PLCH1: variants seen among roughly 807,000 people sequenced by gnomAD.
The protein encoded by PLCH1 is 1-phosphatidylinositol 4,5-bisphosphate phosphodiesterase eta-1.
In PLCH1, 60 loss-of-function variants were observed where a neutral mutation model predicts 126.7. The observed-to-expected ratio is 0.47, with a 90% confidence interval of 0.38 to 0.59. The LOEUF is 0.59. PLCH1 is among the 20% of genes least tolerant of loss of function. The pLI, the probability that PLCH1 is intolerant of heterozygous loss-of-function variation, is 0.00. For synonymous variants in PLCH1, 719 were observed against 734.9 expected (o/e 0.98, Z 0.35); for missense variants, 1,723 against 2,040.0 (o/e 0.84, Z 2.99).
intron 10 of PLCH1, 91 bp from the exon 11 acceptor site, chr3:155,524,095 A>C: frequency 2.5e-6 from 2 of 792,048 alleles, no homozygotes; most frequent in Non-Finnish European, 4.4e-6. Flanking sequence ...TTGATGGATG[A>C]GAGGATAAAC....
At chr3:155,582,244 A>T (rs531139) in intron 6 of PLCH1, among the ~76,000 whole-genome samples, 74,191 of 150,902 alleles carry the variant, frequency 0.49, 21,193 homozygotes, top group Non-Finnish European at 0.65. Flanking sequence ...CACCACAGCC[A>T]GCTAATTTTT....
intron 8 of PLCH1, among the ~76,000 whole-genome samples, chr3:155,556,006 T>C (rs1012310481): frequency 1.3e-5 from 2 of 152,220 alleles, no homozygotes; most frequent in Admixed American, 1.3e-4. Flanking sequence ...CTAAAATGTC[T>C]AGATTTTATT....
chr3:155,676,188 C>T, intron 2 of PLCH1: 1 of 1,312,026 alleles, frequency 7.6e-7, no homozygotes, highest in Non-Finnish European at 9.8e-7. Flanking sequence ...CTCATGCTGC[C>T]CTTTATGGCA....
intron 1 of PLCH1, among the ~76,000 whole-genome samples, chr3:155,743,881 G>A (rs373923136): frequency 5.9e-5 from 9 of 152,142 alleles, no homozygotes; most frequent in African/African-American, 2.2e-4. Context: ...TTACCAGGAA[G>A]TAAATGTTTT....
chr3:155,459,985 C>T (rs1480174815), intron 21 of PLCH1, among the ~76,000 whole-genome samples: 1 of 152,150 alleles, frequency 6.6e-6, no homozygotes, highest in Non-Finnish European at 1.5e-5. Context: ...ATCTCAGCTA[C>T]TGATGCAGAA....
At chr3:155,649,509 A>G (rs1415265763) in intron 2 of PLCH1, among the ~76,000 whole-genome samples, 1 of 152,086 alleles carries the variant, frequency 6.6e-6, no homozygotes, top group Non-Finnish European at 1.5e-5. Context: ...CAGCCCTGCC[A>G]TTGCAAGGGA....
chr3:155,677,860 TAAATAATCC>T (rs1744212612), intron 2 of PLCH1, among the ~76,000 whole-genome samples: 2 of 152,232 alleles, frequency 1.3e-5, no homozygotes, highest in Non-Finnish European at 2.9e-5. Context: ...CCATTCCTGC[TAAATAATCC>T]AAGTATTTAA....
intron 1 of PLCH1, chr3:155,742,833 G>C (rs11713026): frequency 0.026 from 4,005 of 154,706 alleles, 85 homozygotes; most frequent in Non-Finnish European, 0.04. Flanking sequence ...TGGTATGTTT[G>C]ATTTCATTTG....
chr3:155,640,488 C>T (rs1262239288), intron 2 of PLCH1, among the ~76,000 whole-genome samples: 1 of 152,244 alleles, frequency 6.6e-6, no homozygotes, highest in Non-Finnish European at 1.5e-5. Context: ...TTACAATCAG[C>T]ACCCTGGCTG....
chr3:155,654,396 C>CT (rs1358063723), intron 2 of PLCH1, among the ~76,000 whole-genome samples: 5 of 152,164 alleles, frequency 3.3e-5, no homozygotes, highest in Middle Eastern at 6.8e-3. Flanking sequence ...AAAGCTACAA[C>CT]CTCTCTCCTG....
At chr3:155,566,530 C>T (rs1473487987) in intron 7 of PLCH1, among the ~76,000 whole-genome samples, 1 of 151,550 alleles carries the variant, frequency 6.6e-6, no homozygotes, top group African/African-American at 2.4e-5. Flanking sequence ...GAACAACCAG[C>T]AATTGATAGG....
chr3:155,587,601 C>T (rs1009895878), intron 4 of PLCH1, among the ~76,000 whole-genome samples: 3 of 152,188 alleles, frequency 2.0e-5, no homozygotes, highest in African/African-American at 7.2e-5. Context: ...ATGTGAAGTA[C>T]AAACATAATG....
In PLCH1 at chr3:155,490,863, A is replaced by G; in HGVS notation, c.2313T>C (p.Ile771=). ...DSMFGDRGEI[I]DPFVEVEIIG... is the part of the protein sequence containing the mutation. The stretch of plus-strand genomic sequence containing the variant: ...TAATTTCAACTTCAACAAAAGGGTC[A>G]ATGATCTATTAAGTAAAGAGAAAGT... The change falls in exon 19 of 23, where the codon ATT becomes ATC. Residue 771 remains isoleucine (I), a synonymous_variant. Coordinates refer to ENST00000460012, the MANE Select transcript of PLCH1 (RefSeq NM_014996.4). 1 of 1,523,110 alleles carries G rather than the reference A, an allele frequency of 6.6e-7. No homozygotes were observed. The highest frequency in any genetic ancestry group is 9.1e-7 in the Non-Finnish European group (1 of 1,097,840). The allele number at this position is 1,523,110 out of a possible 1,614,324, so 94.3% of individuals were successfully genotyped here.
chr3:155,731,419 A>G (rs944617160), intron 1 of PLCH1, among the ~76,000 whole-genome samples: 7 of 152,136 alleles, frequency 4.6e-5, no homozygotes, highest in African/African-American at 1.7e-4. Flanking sequence ...GACCCAATCA[A>G]CAGGTCCACG....
intron 2 of PLCH1, among the ~76,000 whole-genome samples, chr3:155,700,883 T>C (rs751681858): frequency 6.6e-6 from 1 of 152,168 alleles, no homozygotes. Flanking sequence ...CCAAACATTC[T>C]TTGCTCAAGA....
chr3:155,558,885 A>G (rs554439216), intron 8 of PLCH1, among the ~76,000 whole-genome samples: 1 of 152,322 alleles, frequency 6.6e-6, no homozygotes, highest in Admixed American at 6.5e-5. Context: ...AGGTCTTCAA[A>G]TCACAGGACT....
At chr3:155,734,941 C>T (rs1336213228) in intron 1 of PLCH1, among the ~76,000 whole-genome samples, 2 of 152,072 alleles carry the variant, frequency 1.3e-5, no homozygotes, top group Non-Finnish European at 2.9e-5. Flanking sequence ...GATCTCCTGA[C>T]CTTGTGATCC....
chr3:155,584,844 T>TC (rs796265762), intron 5 of PLCH1, among the ~76,000 whole-genome samples: 97 of 151,530 alleles, frequency 6.4e-4, no homozygotes, highest in African/African-American at 1.8e-3. Context: ...ACAGACTTTG[T>TC]CCCCCCCCTT....
chr3:155,477,048 C>A (rs1399124314), downstream of PLCH1, among the ~76,000 whole-genome samples: 3 of 152,060 alleles, frequency 2.0e-5, no homozygotes, highest in Non-Finnish European at 2.9e-5. Context: ...GGCATGAAAA[C>A]AGACACACAG....
Sources: allele counts gnomAD v4.1 joint callset (sites outside exome capture counted in the v4.1 genomes callset), GRCh38; gene constraint gnomAD v4.1.1; transcripts MANE v1.5; gene names NCBI Gene and HGNC (gene_info 2026-07-23, HGNC 2026-07-21).